Variants in RIPOR2 observed in about 807,000 individuals in gnomAD.
The protein encoded by RIPOR2 is RHO family interacting cell polarization regulator 2, also known as rho family-interacting cell polarization regulator 2.
In RIPOR2, 39 loss-of-function variants were observed where a neutral mutation model predicts 114.5. The ratio of observed to expected loss-of-function variants is 0.34; its 90% CI spans 0.26 to 0.44. The LOEUF (loss-of-function observed/expected upper bound fraction) is 0.44. Among genes scored for constraint, RIPOR2 ranks in the 20% least tolerant of loss-of-function variants. The pLI, the probability that RIPOR2 is intolerant of heterozygous loss-of-function variation, is 1.00. For synonymous variants in RIPOR2, 445 were observed against 484.4 expected (o/e 0.92, Z 1.07); for missense variants, 1,007 against 1,255.1 (o/e 0.80, Z 2.99).
intron 1 of RIPOR2, among the ~76,000 whole-genome samples, chr6:24,951,244 C>G (rs966554172): frequency 6.6e-6 from 1 of 152,138 alleles, no homozygotes; most frequent in Admixed American, 6.5e-5. Flanking sequence ...GGCAGAGGAA[C>G]TACCATTACA....
intron 1 of RIPOR2, among the ~76,000 whole-genome samples, chr6:25,017,810 G>A (rs761213762): frequency 1.3e-5 from 2 of 152,246 alleles, no homozygotes; most frequent in Non-Finnish European, 2.9e-5. Context: ...GAGGGAGTGT[G>A]GACCCTGGCA....
upstream of RIPOR2, among the ~76,000 whole-genome samples, chr6:24,938,910 A>C (rs1771963168): frequency 6.6e-6 from 1 of 152,230 alleles, no homozygotes; most frequent in Non-Finnish European, 1.5e-5. Flanking sequence ...ATATGCATGC[A>C]TCAATATGGA....
At chr6:24,831,324 C>G (rs934083330) in intron 16 of RIPOR2, among the ~76,000 whole-genome samples, 1 of 152,144 alleles carries the variant, frequency 6.6e-6, no homozygotes, top group Non-Finnish European at 1.5e-5. Flanking sequence ...AGAAATCATA[C>G]AGGATCAAGG....
rs368044865 is a variant in RIPOR2 at position 24,870,812 on chromosome 6, C to T, written c.447+54G>A. 12 of 1,446,446 alleles carry T rather than the reference C, an allele frequency of 8.3e-6. No individual in the cohort carries two copies. In the African/African-American group the frequency reaches 1.7e-4, roughly 20 times the overall value. 89.6% of individuals were successfully genotyped at this position (1,446,446 alleles called of 1,614,324 possible). Reference sequence around the variant, plus strand: ...GACAGGCGTGAGCCACCGTGCCCAGCAAGGATGCAGAATTTTTTTCTTATT... The same window carrying T: ...GACAGGCGTGAGCCACCGTGCCCAGTAAGGATGCAGAATTTTTTTCTTATT... On this transcript the variant is annotated intron_variant, in intron 5 of 21. Coordinates refer to ENST00000643898, the MANE Select transcript of RIPOR2 (RefSeq NM_001286445.3).
intron 21 of RIPOR2, among the ~76,000 whole-genome samples, chr6:24,808,258 C>G (rs1485531737): frequency 1.3e-5 from 2 of 152,150 alleles, no homozygotes; most frequent in African/African-American, 2.4e-5. Context: ...GGGGCACATT[C>G]TGTAGGATCA....
intron 6 of RIPOR2, among the ~76,000 whole-genome samples, chr6:24,866,698 A>T (rs1280116619): frequency 2.0e-5 from 3 of 152,108 alleles, no homozygotes; most frequent in African/African-American, 4.8e-5. Context: ...TATCTCTATA[A>T]GTCTGGTACT....
chr6:24,808,405 A>G (rs1323690940), intron 21 of RIPOR2, among the ~76,000 whole-genome samples: 1 of 152,268 alleles, frequency 6.6e-6, no homozygotes, highest in African/African-American at 2.4e-5. Flanking sequence ...TTTTTAGAGA[A>G]TTAAATAATT....
chr6:25,018,611 C>T (rs946466159), intron 1 of RIPOR2, among the ~76,000 whole-genome samples: 17 of 152,140 alleles, frequency 1.1e-4, no homozygotes, highest in African/African-American at 2.4e-4. Flanking sequence ...TTTTGGTTTG[C>T]GCGAATTGCT....
chr6:24,880,015 G>A (rs941478172), intron 1 of RIPOR2, among the ~76,000 whole-genome samples: 1 of 152,216 alleles, frequency 6.6e-6, no homozygotes, highest in Non-Finnish European at 1.5e-5. Flanking sequence ...GACTACAGTA[G>A]AATTGCAGTA....
intron 21 of RIPOR2, among the ~76,000 whole-genome samples, chr6:24,807,044 G>A (rs1212158195): frequency 6.6e-6 from 1 of 152,290 alleles, no homozygotes; most frequent in South Asian, 2.1e-4. Flanking sequence ...TAATTTTAAT[G>A]TTTTGTTCTA....
intron 8 of RIPOR2, among the ~76,000 whole-genome samples, chr6:24,855,565 G>T (rs1763389541): frequency 6.6e-6 from 1 of 152,184 alleles, no homozygotes; most frequent in African/African-American, 2.4e-5. Context: ...CCCACACAAA[G>T]ACATCCATAT....
chr6:24,908,775 C>T (rs1364546051), intron 1 of RIPOR2, among the ~76,000 whole-genome samples: 1 of 152,164 alleles, frequency 6.6e-6, no homozygotes, highest in Non-Finnish European at 1.5e-5. Flanking sequence ...TCCAGGTCAA[C>T]CTTGGGTGGG....
intron 1 of RIPOR2, chr6:24,876,857 G>T: frequency 1.9e-6 from 1 of 521,060 alleles, no homozygotes; most frequent in Non-Finnish European, 2.5e-6. Context: ...AACTTCAGCT[G>T]AGCAGAAGCC....
At chr6:24,856,895 G>A (rs1763522652) in intron 8 of RIPOR2, among the ~76,000 whole-genome samples, 1 of 151,906 alleles carries the variant, frequency 6.6e-6, no homozygotes, top group Non-Finnish European at 1.5e-5. Flanking sequence ...ATCCTTTGAA[G>A]GTGTTTTTCC....
rs1780667283 is a variant in RIPOR2 at position 24,804,554 on chromosome 6, T to C, written c.*1819A>G. On this transcript the variant is annotated 3_prime_UTR_variant, in exon 22 of 22. Coordinates refer to ENST00000643898, the MANE Select transcript of RIPOR2 (RefSeq NM_001286445.3). ...TAAGCTATAGGCTATACCTCCTAAC[T>C]ACAGACTGTACAATGTACCTTTAAA... The C allele has an allele frequency of 6.6e-6, 1 of 152,140 alleles. No individual in the cohort carries two copies. The highest frequency in any genetic ancestry group is 2.4e-5 in the African/African-American group (1 of 41,420). The allele number at this position is 152,140 out of a possible 1,614,324, so 9.4% of individuals were successfully genotyped here. A position where few individuals can be genotyped will look rare whatever the true frequency, so the allele number is the denominator to read the frequency against.
At chr6:24,832,035 G>C (rs1760729408) in intron 16 of RIPOR2, among the ~76,000 whole-genome samples, 1 of 152,162 alleles carries the variant, frequency 6.6e-6, no homozygotes, top group Non-Finnish European at 1.5e-5. Flanking sequence ...CTGACTTCTG[G>C]GGGTGGAGGC....
At chr6:24,912,136 C>T (rs1252113593) in intron 1 of RIPOR2, among the ~76,000 whole-genome samples, 1 of 152,174 alleles carries the variant, frequency 6.6e-6, no homozygotes, top group Non-Finnish European at 1.5e-5. Flanking sequence ...AGGGCAAAAT[C>T]GGCTTGATCC....
intron 18 of RIPOR2, among the ~76,000 whole-genome samples, chr6:24,826,444 T>C (rs947846309): frequency 1.3e-5 from 2 of 151,836 alleles, no homozygotes; most frequent in East Asian, 3.9e-4. Context: ...TCATGCTCCA[T>C]GAATAAAGCA....
intron 1 of RIPOR2, among the ~76,000 whole-genome samples, chr6:24,876,020 G>A (rs1035529045): frequency 3.3e-5 from 5 of 152,196 alleles, no homozygotes; most frequent in Admixed American, 6.5e-5. Context: ...GCCAGGTGCG[G>A]TGGCTCACAC....
Sources: allele counts gnomAD v4.1 joint callset (sites outside exome capture counted in the v4.1 genomes callset), GRCh38; gene constraint gnomAD v4.1.1; transcripts MANE v1.5; gene names NCBI Gene and HGNC (gene_info 2026-07-23, HGNC 2026-07-21).